Variants in ZNF451 observed in about 807,000 individuals in gnomAD.
The protein encoded by ZNF451 is zinc finger protein 451, also known as E3 SUMO-protein ligase ZNF451.
ZNF451 carries 80 observed loss-of-function variants against 107.1 expected under a neutral mutation model. The observed-to-expected ratio is 0.75, with a 90% confidence interval of 0.62 to 0.90. ZNF451 has a LOEUF of 0.90. Ranked by LOEUF, ZNF451 falls within the 40% of genes least tolerant of loss-of-function variation. The probability of loss-of-function intolerance (pLI) is 0.00; values close to 1 mark genes in which losing one functional copy is unlikely to be tolerated. For synonymous variants in ZNF451, 362 were observed against 406.5 expected, an observed-to-expected ratio of 0.89 and a Z score of 1.32; for missense variants, 1,107 against 1,236.2, an observed-to-expected ratio of 0.90 and a Z score of 1.57.
At chr6:57,154,705 T>C (rs1435279789) in intron 13 of ZNF451, among the ~76,000 whole-genome samples, 1 of 152,232 alleles carries the variant, frequency 6.6e-6, no homozygotes, top group African/African-American at 2.4e-5. Flanking sequence ...CACTGAGTTA[T>C]AACCCCCTTT....
intron 14 of ZNF451, among the ~76,000 whole-genome samples, chr6:57,166,943 CT>C (rs2127990045): frequency 1.3e-5 from 2 of 152,216 alleles, no homozygotes; most frequent in South Asian, 4.1e-4. Flanking sequence ...ACCATACTTG[CT>C]TTTTGTTTTT....
rs779331544 is a variant in ZNF451, at chr6:57,148,568, C to T, written c.2483C>T (p.Ser828Leu). The change falls in exon 10 of 15, where the codon TCA (serine) becomes TTA (leucine). Residue 828 changes from serine (S) to leucine (L), a missense_variant. Ser to Leu is a moderately radical substitution (Grantham distance 145). Around this residue, in one of 5 missense-constraint regions of ZNF451, gnomAD observed 608 missense variants for 649.2 expected, o/e 0.94. Coordinates refer to ENST00000370706, the MANE Select transcript of ZNF451 (RefSeq NM_001031623.3). Reference sequence around the variant, plus strand: ...GTGGCTCATTTTGGATCTGAAAAATCAAACCTGTACAAGTTTACTGCTAGT... The same window carrying T: ...GTGGCTCATTTTGGATCTGAAAAATTAAACCTGTACAAGTTTACTGCTAGT... ...PSVAHFGSEK[S>L]NLYKFTASAS... 91 of 1,613,976 alleles carry T rather than the reference C, an allele frequency of 5.6e-5. 1 individual carries two copies. The South Asian group carries it at 8.2e-4, about 15-fold the overall frequency.
intron 3 of ZNF451, among the ~76,000 whole-genome samples, chr6:57,117,986 G>A (rs767279137): frequency 4.5e-4 from 68 of 152,008 alleles, no homozygotes; most frequent in Non-Finnish European, 5.1e-4. Context: ...CAGGAATTTC[G>A]GAGAGATGAA....
rs758667701 is a variant in ZNF451 at position 57,148,207 on chromosome 6, G to T, written c.2122G>T (p.Glu708Ter). 1 of 1,613,954 alleles carries T rather than the reference G, an allele frequency of 6.2e-7. No individual in the cohort carries two copies. The highest frequency in any genetic ancestry group is 8.5e-7 in the Non-Finnish European group (1 of 1,179,940). ...AAAAACTGAAACTTCAATTAAAACC[G>T]AAGATGATTTTCCAGTAATAGAGAC... ...SEKTETSIKT[E>*]DDFPVIETSN... The change falls in exon 10 of 15, where the codon GAA becomes TAA. Residue 708 changes from glutamate (E) to a stop codon, truncating the protein, a stop_gained. Transcript: ENST00000370706. LOFTEE classifies it high-confidence loss of function.
At chr6:57,124,503 A>G in intron 3 of ZNF451, 1 of 714,744 alleles carries the variant, frequency 1.4e-6, no homozygotes, top group Non-Finnish European at 2.6e-6. Context: ...TTTTAAGTGA[A>G]TAAAGATGAT....
chr6:57,168,406 T>C lies in ZNF451; in HGVS notation c.3140-17T>C. Reference sequence around the variant, plus strand: ...TTTTCTGCCCTAAGTGTTAAAATTCTATGTTTTTTAATGCAGATGTGGAAT... The same window carrying C: ...TTTTCTGCCCTAAGTGTTAAAATTCCATGTTTTTTAATGCAGATGTGGAAT... On this transcript the variant is annotated splice_polypyrimidine_tract_variant and intron_variant, in intron 14 of 14. Coordinates refer to ENST00000370706, the MANE Select transcript of ZNF451 (RefSeq NM_001031623.3). The C allele has an allele frequency of 1.3e-6, 2 of 1,587,398 alleles. No individual in the cohort carries two copies. The highest frequency in any genetic ancestry group is 1.7e-6 in the Non-Finnish European group (2 of 1,160,200).
At chr6:57,112,419 T>C (rs1218565483) in intron 3 of ZNF451, among the ~76,000 whole-genome samples, 2 of 152,202 alleles carry the variant, frequency 1.3e-5, no homozygotes, top group Admixed American at 1.3e-4. Flanking sequence ...CCCTTACATA[T>C]AAGATAGAGG....
chr6:57,099,381 G>C (rs1318353221), intron 3 of ZNF451: 2 of 698,682 alleles, frequency 2.9e-6, no homozygotes, highest in African/African-American at 3.6e-5. Context: ...CAGAGCCTTA[G>C]AGGTGATATC....
intron 9 of ZNF451, among the ~76,000 whole-genome samples, chr6:57,144,664 C>G (rs1831970941): frequency 6.6e-6 from 1 of 152,188 alleles, no homozygotes; most frequent in Middle Eastern, 3.4e-3. Context: ...CGTGGTGGCT[C>G]ACACCTGTAA....
At chr6:57,099,001 A>G in intron 2 of ZNF451, 60 bp from the exon 3 acceptor site, 1 of 1,382,624 alleles carries the variant, frequency 7.2e-7, no homozygotes, top group Non-Finnish European at 1.0e-6. Context: ...CTGTAGGTTT[A>G]AATGCTAATT....
chr6:57,100,932 T>C (rs1426294568), intron 3 of ZNF451: 19 of 1,550,868 alleles, frequency 1.2e-5, no homozygotes, highest in African/African-American at 4.1e-5. Context: ...TAGATTCTTC[T>C]TCAGCTTCAC....
intron 3 of ZNF451, chr6:57,107,120 TC>T (rs753396394): frequency 5.1e-6 from 5 of 985,454 alleles, no homozygotes; most frequent in Non-Finnish European, 6.0e-6. Flanking sequence ...TTTGTTTGCT[TC>T]CTGTGGGATA....
At chr6:57,122,963 C>T (rs1409522403) in intron 3 of ZNF451, among the ~76,000 whole-genome samples, 2 of 152,096 alleles carry the variant, frequency 1.3e-5, no homozygotes, top group African/African-American at 4.8e-5. Flanking sequence ...TCACTTGATC[C>T]TAGGAGTTTG....
At chr6:57,124,376 G>T in intron 3 of ZNF451, 1 of 708,314 alleles carries the variant, frequency 1.4e-6, no homozygotes, top group African/African-American at 1.7e-5. Context: ...GAAGGTTTCT[G>T]CTTTAGTAAG....
In ZNF451 at chr6:57,090,240, C is replaced by T. The variant is rs1387742277; in HGVS notation, c.-14C>T. ...AGCAGGAGCAGTGGTGCTGTCAGCG[C>T]GGCCGTCGGAGACATGGGAGACCCG... On this transcript the variant is annotated 5_prime_UTR_variant, in exon 1 of 15. Coordinates refer to ENST00000370706, the MANE Select transcript of ZNF451 (RefSeq NM_001031623.3). The T allele has an allele frequency of 1.9e-6, 3 of 1,610,244 alleles. No individual in the cohort carries two copies. The highest frequency in any genetic ancestry group is 2.2e-5 in the South Asian group (2 of 90,184).
intron 10 of ZNF451, among the ~76,000 whole-genome samples, chr6:57,149,792 C>G (rs1007177544): frequency 1.3e-5 from 2 of 152,002 alleles, no homozygotes; most frequent in African/African-American, 4.8e-5. Flanking sequence ...ACTGGTTACA[C>G]CATTTTATGT....
intron 13 of ZNF451, among the ~76,000 whole-genome samples, chr6:57,157,242 G>C (rs1763470586): frequency 6.6e-6 from 1 of 152,148 alleles, no homozygotes; most frequent in African/African-American, 2.4e-5. Flanking sequence ...ACTAAAGATT[G>C]CTGTATAAAT....
rs752330728 is a variant in ZNF451, at chr6:57,142,054, C to T, written c.963C>T (p.His321=). 1 of 1,613,868 alleles carries T rather than the reference C, an allele frequency of 6.2e-7. No individual in the cohort carries two copies. The highest frequency in any genetic ancestry group is 1.1e-5 in the South Asian group (1 of 91,040). The change falls in exon 9 of 15, where the codon CAC becomes CAT. Residue 321 remains histidine (H), a synonymous_variant. Transcript: ENST00000370706. ...TTCAAGTTAAGTGTGTGGCCTGCCA[C>T]AAGACACTGCGTTCCCACATGGAGC... is the stretch of plus-strand genomic sequence containing the variant. The part of the protein sequence containing the change: ...VPFQVKCVAC[H]KTLRSHMELT...
At chr6:57,167,206 T>C (rs9475786) in intron 14 of ZNF451, among the ~76,000 whole-genome samples, 17,403 of 150,288 alleles carry the variant, frequency 0.12, 1,190 homozygotes, top group African/African-American at 0.19. Flanking sequence ...CACACACACA[T>C]ATATACATAT....
Sources: allele counts gnomAD v4.1 joint callset (sites outside exome capture counted in the v4.1 genomes callset), GRCh38; gene constraint gnomAD v4.1.1; regional missense constraint gnomAD v4.1.1; transcripts MANE v1.5; gene names NCBI Gene and HGNC (gene_info 2026-07-23, HGNC 2026-07-21).